Variants in CAMTA1 observed in about 807,000 individuals in gnomAD.
CAMTA1 encodes the protein calmodulin-binding transcription activator 1.
CAMTA1 carries 27 observed loss-of-function variants against 170.9 expected under a neutral mutation model. The ratio of observed to expected loss-of-function variants is 0.16; its 90% confidence interval spans 0.12 to 0.22. CAMTA1 has a LOEUF of 0.22. CAMTA1 is among the 10% of genes least tolerant of loss of function. The probability of loss-of-function intolerance (pLI) is 1.00; values close to 1 mark genes in which losing one functional copy is unlikely to be tolerated. For missense variants in CAMTA1, 1,619 were observed against 2,217.2 expected, an observed-to-expected ratio of 0.73 and a Z score of 5.42; for synonymous variants, 833 against 891.5, an observed-to-expected ratio of 0.93 and a Z score of 1.17.
intron 3 of CAMTA1, among the ~76,000 whole-genome samples, chr1:6,974,663 G>A (rs1171270657): frequency 3.9e-5 from 6 of 152,248 alleles, no homozygotes; most frequent in Middle Eastern, 3.4e-3. Flanking sequence ...CTTACCTGCC[G>A]CACGGACGTC....
intron 5 of CAMTA1, among the ~76,000 whole-genome samples, chr1:7,450,464 A>G (rs1295233076): frequency 6.6e-6 from 1 of 152,172 alleles, no homozygotes; most frequent in African/African-American, 2.4e-5. Context: ...CCTCTGCTGG[A>G]GGGGAGGGGA....
At chr1:7,047,052 A>T (rs755095622) in intron 3 of CAMTA1, among the ~76,000 whole-genome samples, 4 of 152,082 alleles carry the variant, frequency 2.6e-5, no homozygotes, top group Admixed American at 1.3e-4. Flanking sequence ...AGCAGAAGTG[A>T]CATGTGTGGT....
chr1:7,076,218 G>C (rs575577364), intron 3 of CAMTA1, among the ~76,000 whole-genome samples: 1 of 152,152 alleles, frequency 6.6e-6, no homozygotes, highest in Non-Finnish European at 1.5e-5. Context: ...GAAGGGCCTC[G>C]TTTTATTGGA....
At chr1:6,790,511 G>A (rs1381528256) in intron 1 of CAMTA1, among the ~76,000 whole-genome samples, 1 of 151,964 alleles carries the variant, frequency 6.6e-6, no homozygotes, top group African/African-American at 2.4e-5. Flanking sequence ...TATTTGAACG[G>A]CAGCATCGCA....
At chr1:6,933,853 C>T (rs1034291813) in intron 3 of CAMTA1, among the ~76,000 whole-genome samples, 1 of 152,200 alleles carries the variant, frequency 6.6e-6, no homozygotes, top group Non-Finnish European at 1.5e-5. Context: ...CAATACCCCA[C>T]TGTCTTGACT....
chr1:7,517,890 G>A (rs2094308560), intron 6 of CAMTA1, among the ~76,000 whole-genome samples: 1 of 151,960 alleles, frequency 6.6e-6, no homozygotes, highest in South Asian at 2.1e-4. Flanking sequence ...GATCCCCCCA[G>A]GAGGCCTGGA....
chr1:7,477,070 G>T (rs1193181), intron 6 of CAMTA1, among the ~76,000 whole-genome samples: 84,458 of 151,906 alleles, frequency 0.56, 23,812 homozygotes, highest in East Asian at 0.66. Context: ...GGGCAAGGGG[G>T]TGTGAGGGAG....
intron 4 of CAMTA1, among the ~76,000 whole-genome samples, chr1:7,125,333 G>A (rs1307608127): frequency 6.6e-6 from 1 of 152,122 alleles, no homozygotes; most frequent in Non-Finnish European, 1.5e-5. Flanking sequence ...CATTCATCAG[G>A]TGTTGGTTGA....
At chr1:7,233,753 C>T (rs924896553) in intron 4 of CAMTA1, among the ~76,000 whole-genome samples, 4 of 152,184 alleles carry the variant, frequency 2.6e-5, no homozygotes, top group Admixed American at 2.0e-4. Context: ...TCCACAAAGC[C>T]CCGGGATCTA....
At chr1:7,416,405 C>T (rs985905396) in intron 5 of CAMTA1, among the ~76,000 whole-genome samples, 13 of 152,206 alleles carry the variant, frequency 8.5e-5, no homozygotes, top group Non-Finnish European at 1.0e-4. Context: ...ACCAATCAGA[C>T]GTAGATTTGG....
chr1:7,766,043 A>C (rs1182058641), intron 22 of CAMTA1, among the ~76,000 whole-genome samples: 1 of 126,326 alleles, frequency 7.9e-6, no homozygotes, highest in Non-Finnish European at 1.7e-5. Flanking sequence ...AAAAAAAAAA[A>C]AACTAAATAA....
intron 5 of CAMTA1, among the ~76,000 whole-genome samples, chr1:7,268,981 C>T (rs1473883907): frequency 6.6e-6 from 1 of 152,186 alleles, no homozygotes; most frequent in Non-Finnish European, 1.5e-5. Flanking sequence ...TTGAATTGGA[C>T]AATACAATAT....
intron 6 of CAMTA1, among the ~76,000 whole-genome samples, chr1:7,586,900 A>G (rs2095314705): frequency 6.6e-6 from 1 of 151,746 alleles, no homozygotes; most frequent in African/African-American, 2.4e-5. Context: ...GTGGATGGGG[A>G]CGTCCCCACC....
chr1:6,827,141 C>T (rs534270431), intron 3 of CAMTA1, among the ~76,000 whole-genome samples: 2 of 152,326 alleles, frequency 1.3e-5, no homozygotes, highest in African/African-American at 4.8e-5. Context: ...AAATGCATCC[C>T]ATTCTCTCAC....
At chr1:6,801,154 A>G (rs1282805631) in intron 1 of CAMTA1, among the ~76,000 whole-genome samples, 2 of 152,254 alleles carry the variant, frequency 1.3e-5, no homozygotes, top group Non-Finnish European at 2.9e-5. Flanking sequence ...TTCAAGGCCC[A>G]GAGATTTCTT....
At chr1:7,566,246 C>T (rs537582709) in intron 6 of CAMTA1, among the ~76,000 whole-genome samples, 1 of 152,302 alleles carries the variant, frequency 6.6e-6, no homozygotes, top group Middle Eastern at 3.4e-3. Flanking sequence ...CACTGTCCCT[C>T]TCTAGACCTT....
intron 7 of CAMTA1, among the ~76,000 whole-genome samples, chr1:7,656,355 T>G (rs1381634089): frequency 1.3e-5 from 2 of 152,198 alleles, no homozygotes; most frequent in Non-Finnish European, 2.9e-5. Flanking sequence ...TCTCACTGCT[T>G]CCTCATATAA....
chr1:6,849,892 A>G (rs1659710031), intron 3 of CAMTA1, among the ~76,000 whole-genome samples: 1 of 151,676 alleles, frequency 6.6e-6, no homozygotes, highest in African/African-American at 2.4e-5. Flanking sequence ...AAAATTAGCC[A>G]GATGTGGTGA....
chr1:7,180,251 C>T (rs1651828536), intron 4 of CAMTA1, among the ~76,000 whole-genome samples: 1 of 151,930 alleles, frequency 6.6e-6, no homozygotes. Flanking sequence ...CCTGTAATCC[C>T]AGCTACTTGG....
Sources: allele counts gnomAD v4.1 joint callset (sites outside exome capture counted in the v4.1 genomes callset), GRCh38; gene constraint gnomAD v4.1.1; transcripts MANE v1.5; gene names NCBI Gene and HGNC (gene_info 2026-07-23, HGNC 2026-07-21).